Variants in COG5 observed in about 807,000 individuals in gnomAD.
The protein encoded by COG5 is conserved oligomeric Golgi complex subunit 5.
In COG5, 86 loss-of-function variants were observed where a neutral mutation model predicts 110.4. The ratio of observed to expected loss-of-function variants is 0.78; its 90% CI spans 0.65 to 0.93. The LOEUF is 0.93. Among genes scored for constraint, COG5 ranks in the 40% least tolerant of loss-of-function variants. COG5 has a pLI of 0.00. For missense variants in COG5, 1,077 were observed against 987.0 expected, an observed-to-expected ratio of 1.09 and a Z score of -1.22; for synonymous variants, 360 against 334.6, an observed-to-expected ratio of 1.08 and a Z score of -0.83.
intron 7 of COG5, among the ~76,000 whole-genome samples, chr7:107,408,187 C>T (rs1792003478): frequency 6.6e-6 from 1 of 152,212 alleles, no homozygotes; most frequent in Admixed American, 6.5e-5. Context: ...TGGAACACAA[C>T]CACATTCATT....
chr7:107,311,517 C>A (rs1414563640), intron 11 of COG5, among the ~76,000 whole-genome samples: 20 of 149,812 alleles, frequency 1.3e-4, no homozygotes, highest in Admixed American at 1.3e-4. Flanking sequence ...CCTCAGCCTC[C>A]CGAGTAGCTG....
At chr7:107,269,392 A>G (rs963824170) in intron 14 of COG5, among the ~76,000 whole-genome samples, 3 of 151,410 alleles carry the variant, frequency 2.0e-5, no homozygotes, top group Non-Finnish European at 2.9e-5. Flanking sequence ...GGAGAATGGC[A>G]TGAACCTGGG....
At chr7:107,230,970 T>C (rs1800737275) in intron 18 of COG5, among the ~76,000 whole-genome samples, 1 of 152,330 alleles carries the variant, frequency 6.6e-6, no homozygotes, top group East Asian at 1.9e-4. Context: ...CATTTATCCA[T>C]TGAAAAATAA....
intron 8 of COG5, among the ~76,000 whole-genome samples, chr7:107,365,972 A>T (rs1308785168): frequency 6.6e-6 from 1 of 152,132 alleles, no homozygotes; most frequent in Non-Finnish European, 1.5e-5. Context: ...TTCAATGATG[A>T]ATAATCATCA....
chr7:107,371,740 T>C lies in COG5; in HGVS notation c.835+855A>G, dbSNP rs1238178021. On this transcript the variant is annotated intron_variant, in intron 8 of 21. Coordinates refer to ENST00000297135, the MANE Select transcript of COG5 (RefSeq NM_006348.5). ...AAGGAGATACAATAACACAACTATA[T>C]GTGAAGGGAAAGAGATGCAAAGAAA... 2.6e-5 allele frequency among the ~76,000 whole-genome samples: 4 copies of C among 152,152 alleles called. No homozygotes were observed. In the South Asian group the frequency reaches 6.2e-4, roughly 24 times the overall value.
chr7:107,537,573 A>G (rs1801680175), intron 5 of COG5, among the ~76,000 whole-genome samples: 1 of 151,820 alleles, frequency 6.6e-6, no homozygotes, highest in Non-Finnish European at 1.5e-5. Context: ...AATATCACAC[A>G]CCAGGGCCTG....
chr7:107,284,248 T>G (rs1805441035), intron 12 of COG5, among the ~76,000 whole-genome samples: 1 of 152,194 alleles, frequency 6.6e-6, no homozygotes, highest in Non-Finnish European at 1.5e-5. Context: ...AATCTCTACG[T>G]AAGTCCCCAC....
intron 7 of COG5, among the ~76,000 whole-genome samples, chr7:107,404,625 G>A (rs142352837): frequency 1.3e-5 from 2 of 152,092 alleles, no homozygotes; most frequent in Admixed American, 6.6e-5. Flanking sequence ...GAAAAGCAGA[G>A]AACATATGAG....
intron 6 of COG5, among the ~76,000 whole-genome samples, chr7:107,525,244 T>TACA (rs1800645594): frequency 1.3e-5 from 2 of 151,948 alleles, no homozygotes; most frequent in Non-Finnish European, 2.9e-5. Context: ...TTTTGTTTTT[T>TACA]TTTTTCGAAG....
intron 6 of COG5, among the ~76,000 whole-genome samples, chr7:107,427,713 C>T (rs530255281): frequency 6.6e-6 from 1 of 152,224 alleles, no homozygotes; most frequent in African/African-American, 2.4e-5. Context: ...CTTGCTCGTG[C>T]ACCAGCTCAG....
intron 10 of COG5, among the ~76,000 whole-genome samples, chr7:107,341,058 C>T (rs988676228): frequency 1.3e-5 from 2 of 152,062 alleles, no homozygotes; most frequent in African/African-American, 4.8e-5. Context: ...GAAAAAATAG[C>T]ATCCAATTTG....
chr7:107,558,293 A>G (rs1803480403), intron 1 of COG5, among the ~76,000 whole-genome samples, 178 bp from the exon 2 acceptor site: 1 of 152,202 alleles, frequency 6.6e-6, no homozygotes, highest in Non-Finnish European at 1.5e-5. Flanking sequence ...ACATTGAGAA[A>G]GAGATTAAAA....
chr7:107,515,842 T>C (rs1362106981), intron 6 of COG5, among the ~76,000 whole-genome samples: 1 of 152,166 alleles, frequency 6.6e-6, no homozygotes, highest in Non-Finnish European at 1.5e-5. Flanking sequence ...ATTCTCAGTA[T>C]AGCAAAATAA....
intron 11 of COG5, among the ~76,000 whole-genome samples, chr7:107,320,125 A>C (rs1215481565): frequency 6.6e-6 from 1 of 152,226 alleles, no homozygotes; most frequent in Non-Finnish European, 1.5e-5. Flanking sequence ...ATGAGGTGGC[A>C]AGACGGCATA....
At position 107,295,085 on chromosome 7, in the gene COG5, ATATATATATATATATATTTT is replaced by A. The variant is rs1244015763; in HGVS notation, c.1313+3037_1313+3056del. Among the ~76,000 whole-genome samples the A allele has an allele frequency of 5.7e-3, 392 of 68,344 alleles. 3 individuals are homozygous for A. Among genetic ancestry groups the A allele is most frequent in the South Asian group, 0.022 (39 of 1,750 alleles). 44.8% of individuals were successfully genotyped at this position (68,344 alleles called of 152,430 possible). A position where few individuals can be genotyped will look rare whatever the true frequency, so the allele number is the denominator to read the frequency against. ...CACACACATATATATATATATATATATATATATATATATATATTTTTTTTTTTTTTTTGTAGAGTCAGGAT... is the reference window on the plus strand; with the variant it reads ...CACACACATATATATATATATATATATTTTTTTTTTTTGTAGAGTCAGGAT... On this transcript the variant is annotated intron_variant, in intron 12 of 21. Transcript: ENST00000297135.
intron 11 of COG5, among the ~76,000 whole-genome samples, chr7:107,314,343 T>G (rs1020995951): frequency 2.0e-5 from 3 of 152,132 alleles, no homozygotes; most frequent in African/African-American, 4.8e-5. Flanking sequence ...TTGATCTTAG[T>G]TATACAGATG....
intron 14 of COG5, among the ~76,000 whole-genome samples, chr7:107,265,048 A>G (rs1803687025): frequency 1.3e-5 from 2 of 152,224 alleles, no homozygotes; most frequent in South Asian, 4.1e-4. Context: ...AATTCCATAA[A>G]GTATCTAAAA....
intron 6 of COG5, among the ~76,000 whole-genome samples, chr7:107,434,802 CT>C (rs1197966714): frequency 6.6e-6 from 1 of 151,992 alleles, no homozygotes; most frequent in African/African-American, 2.4e-5. Context: ...AACCCTGTCT[CT>C]ACTAAAAATA....
chr7:107,331,070 T>C (rs2129030790), intron 10 of COG5, among the ~76,000 whole-genome samples: 1 of 152,310 alleles, frequency 6.6e-6, no homozygotes, highest in East Asian at 1.9e-4. Flanking sequence ...GACATAAGAA[T>C]GGAAAGTAAG....
Sources: allele counts gnomAD v4.1 joint callset (sites outside exome capture counted in the v4.1 genomes callset), GRCh38; gene constraint gnomAD v4.1.1; transcripts MANE v1.5; gene names NCBI Gene and HGNC (gene_info 2026-07-23, HGNC 2026-07-21).